R3HCC1: variants seen among roughly 807,000 people sequenced by gnomAD.
R3HCC1 encodes R3H domain and coiled-coil containing 1.
A neutral mutation model predicts 40.0 loss-of-function variants in R3HCC1; 32 were observed. The ratio of observed to expected loss-of-function variants is 0.80; its 90% CI spans 0.60 to 1.07. The LOEUF is 1.07. R3HCC1 is among the 50% of genes least tolerant of loss of function. The probability of loss-of-function intolerance (pLI) is 0.00; values close to 1 mark genes in which losing one functional copy is unlikely to be tolerated. For synonymous variants in R3HCC1, 237 were observed against 232.8 expected, an observed-to-expected ratio of 1.02 and a Z score of -0.17; for missense variants, 586 against 563.3, an observed-to-expected ratio of 1.04 and a Z score of -0.41.
intron 6 of R3HCC1, among the ~76,000 whole-genome samples, chr8:23,293,966 T>C (rs919172817): frequency 1.3e-5 from 2 of 152,136 alleles, no homozygotes; most frequent in African/African-American, 2.4e-5. Flanking sequence ...CCACCGTGCT[T>C]ACATTTGGTA....
chr8:23,293,343 G>A lies in R3HCC1; in HGVS notation c.1066G>A (p.Ala356Thr), dbSNP rs375081566. ...GATTCAGTGGGTGGATGATACTCAC[G>A]CACTCGGCATCTTTCCCTGCCTGGC... The change falls in exon 6 of 8, where the codon GCA becomes ACA. Residue 356 changes from alanine to threonine, a missense_variant. Ala to Thr is a moderately conservative substitution (Grantham distance 58, BLOSUM62 0). Coordinates refer to ENST00000265806, the MANE Select transcript of R3HCC1 (RefSeq NM_001136108.3). 3.9e-6 allele frequency: 6 copies of A among 1,551,272 alleles called. No individual in the cohort carries two copies. The highest frequency in any genetic ancestry group is 1.2e-5 in the South Asian group (1 of 84,044).
At chr8:23,288,769 C>G (rs1051601894) in intron 2 of R3HCC1, 136 bp downstream of exon 2, 11 of 1,134,642 alleles carry the variant, frequency 9.7e-6, no homozygotes, top group Middle Eastern at 5.5e-4. Context: ...CGCCAGCTGC[C>G]TCTTTTAGCT....
Position 23,289,881 on chromosome 8 carries a change from T to C in R3HCC1, c.264T>C (p.Asp88=). 1 of 1,519,890 alleles carries C rather than the reference T, an allele frequency of 6.6e-7. No homozygotes were observed. 94.2% of individuals were successfully genotyped at this position (1,519,890 alleles called of 1,614,324 possible). ...CCTGCTCCAGGGTACCCAGTTCGGA[T>C]GGCCTCTCTGGCCCCTGCCGCGCTC... Residue 88 remains aspartate, a synonymous_variant, in exon 4 of 8, where the codon GAT becomes GAC. Coordinates refer to ENST00000265806, the MANE Select transcript of R3HCC1 (RefSeq NM_001136108.3).
chr8:23,292,401 G>T (rs6557652), intron 5 of R3HCC1, among the ~76,000 whole-genome samples: 80,955 of 151,970 alleles, frequency 0.53, 21,993 homozygotes, highest in East Asian at 0.81. Flanking sequence ...TCAGGAGATC[G>T]AGACCAACCT....
At chr8:23,295,216 A>T (rs923706634) in intron 7 of R3HCC1, among the ~76,000 whole-genome samples, 1 of 152,104 alleles carries the variant, frequency 6.6e-6, no homozygotes, top group African/African-American at 2.4e-5. Flanking sequence ...TAGGGCCGGG[A>T]AGGGCCTGGG....
chr8:23,295,833 G>A (rs1803000345), intron 7 of R3HCC1, 134 bp from the exon 8 acceptor site: 1 of 1,288,342 alleles, frequency 7.8e-7, no homozygotes, highest in African/African-American at 1.5e-5. Context: ...CCACACCACG[G>A]GCACAGCTGG....
chr8:23,291,215 C>A, intron 4 of R3HCC1, 146 bp from the exon 5 acceptor site: 1 of 1,212,740 alleles, frequency 8.2e-7, no homozygotes, highest in African/African-American at 1.5e-5. Flanking sequence ...ACGTCTTGAC[C>A]TTGCAGCCCA....
In R3HCC1 at chr8:23,290,126, C is replaced by T; in HGVS notation, c.509C>T (p.Pro170Leu). The T allele has an allele frequency of 6.4e-7, 1 of 1,551,448 alleles. No homozygotes were observed. Among genetic ancestry groups the T allele is most frequent in the Non-Finnish European group, 8.7e-7 (1 of 1,147,006 alleles). Reference sequence around the variant, plus strand: ...CCAGCTGGCAGGGACCCAGAAGAGCCTGGAGATGTTGGTGCTGGAGACCCC... The same window carrying T: ...CCAGCTGGCAGGGACCCAGAAGAGCTTGGAGATGTTGGTGCTGGAGACCCC... The change falls in exon 4 of 8, where the codon CCT (proline) becomes CTT (leucine). Residue 170 changes from proline to leucine, a missense_variant. Coordinates refer to ENST00000265806, the MANE Select transcript of R3HCC1 (RefSeq NM_001136108.3).
At position 23,295,894 on chromosome 8, in the gene R3HCC1, G is replaced by A. The variant is rs1044677344; in HGVS notation, c.1193-73G>A. 7.2e-5 allele frequency: 106 copies of A among 1,481,610 alleles called. 1 individual carries two copies. The highest frequency in any genetic ancestry group is 8.7e-5 in the Non-Finnish European group (97 of 1,110,186). 91.8% of individuals were successfully genotyped at this position (1,481,610 alleles called of 1,614,324 possible). A position where few individuals can be genotyped will look rare whatever the true frequency, so the allele number is the denominator to read the frequency against. On this transcript the variant is annotated intron_variant, in intron 7 of 7. Coordinates refer to ENST00000265806, the MANE Select transcript of R3HCC1 (RefSeq NM_001136108.3). ...AGAGGCTGGCTCTGATGGCTTGTAC[G>A]GCTGCTGTGTTGCTGGGGGAGAGGC...
intron 7 of R3HCC1, chr8:23,295,602 CAAT>C (rs1563181152): frequency 2.2e-6 from 1 of 462,826 alleles, no homozygotes; most frequent in East Asian, 5.8e-5. Flanking sequence ...TTTCTTGGAA[CAAT>C]AAATATCCTG....
intron 7 of R3HCC1, 25 bp downstream of exon 7, chr8:23,294,889 T>C (rs1200392097): frequency 2.0e-6 from 3 of 1,492,594 alleles, no homozygotes; most frequent in Admixed American, 3.9e-5. Flanking sequence ...TGTCCCTGAA[T>C]AGGGAGGCTG....
Position 23,294,407 on chromosome 8 carries a change from C to T in R3HCC1, c.1097-362C>T, listed in dbSNP as rs78696796. On this transcript the variant is annotated intron_variant, in intron 6 of 7. Transcript: ENST00000265806. ...ACCAGGCATGACTCAGGGCAGTGAA[C>T]GCATGTTCCCTGGAGGGTCTTGAGT... 9.4e-4 allele frequency among the ~76,000 whole-genome samples: 143 copies of T among 152,274 alleles called. 2 individuals carry two copies. In the East Asian group the frequency reaches 0.022, roughly 24 times the overall value.
intron 5 of R3HCC1, among the ~76,000 whole-genome samples, chr8:23,291,908 C>T (rs995110214): frequency 1.3e-5 from 2 of 152,168 alleles, no homozygotes; most frequent in Non-Finnish European, 2.9e-5. Flanking sequence ...GGGCCAGCTC[C>T]ATGTGGGAAC....
Position 23,293,323 on chromosome 8 carries a change from A to G in R3HCC1, c.1046A>G (p.Gln349Arg), listed in dbSNP as rs1364255342. 1 of 1,551,262 alleles carries G rather than the reference A, an allele frequency of 6.4e-7. No homozygotes were observed. Among genetic ancestry groups the G allele is most frequent in the Non-Finnish European group, 8.7e-7 (1 of 1,146,914 alleles). The stretch of plus-strand genomic sequence containing the variant: ...CACAGAGAGAAGGGGTTCAGGATTC[A>G]GTGGGTGGATGATACTCACGCACTC... Residue 349 changes from glutamine to arginine, a missense_variant, in exon 6 of 8, where the codon CAG becomes CGG. Transcript: ENST00000265806.
rs190524631 is a variant in R3HCC1 at position 23,293,134 on chromosome 8, T to C, written c.1026-169T>C. 1.6e-3 allele frequency among the ~76,000 whole-genome samples: 250 copies of C among 152,270 alleles called. 1 individual carries two copies. Among genetic ancestry groups the C allele is most frequent in the Non-Finnish European group, 2.7e-3 (187 of 68,022 alleles). ...TCTTTCTGAAGCCAACCATATGGGC[T>C]TCAGAGGAAATTTGCTGCAAATGAT... On this transcript the variant is annotated intron_variant, in intron 5 of 7. Coordinates refer to ENST00000265806, the MANE Select transcript of R3HCC1 (RefSeq NM_001136108.3).
intron 2 of R3HCC1, 29 bp from the exon 3 acceptor site, chr8:23,288,987 G>T (rs1412801974): frequency 6.5e-7 from 1 of 1,535,782 alleles, no homozygotes; most frequent in African/African-American, 1.4e-5. Context: ...CTGGACACCT[G>T]CTCAGCACTT....
At chr8:23,294,897 C>CTGTGTGTG in intron 7 of R3HCC1, 33 bp downstream of exon 7, 1 of 1,374,490 alleles carries the variant, frequency 7.3e-7, no homozygotes, top group South Asian at 1.3e-5. Flanking sequence ...AATAGGGAGG[C>CTGTGTGTG]TGTGTGTGTG....
At chr8:23,290,537 GA>G (rs1394497364) in intron 4 of R3HCC1, 68 bp downstream of exon 4, 128 of 1,480,654 alleles carry the variant, frequency 8.6e-5, no homozygotes, top group Admixed American at 4.0e-4. Flanking sequence ...GGTGGATGGG[GA>G]CCAAGGGTTA....
At chr8:23,291,653 G>A in intron 5 of R3HCC1, 120 bp downstream of exon 5, 1 of 1,455,204 alleles carries the variant, frequency 6.9e-7, no homozygotes, top group Non-Finnish European at 9.2e-7. Context: ...GACAGAAAGT[G>A]GGTGTGTTGC....
Sources: allele counts gnomAD v4.1 joint callset (sites outside exome capture counted in the v4.1 genomes callset), GRCh38; gene constraint gnomAD v4.1.1; transcripts MANE v1.5; gene names NCBI Gene and HGNC (gene_info 2026-07-23, HGNC 2026-07-21).